SGCD: variants seen among roughly 807,000 people sequenced by gnomAD.
SGCD encodes sarcoglycan delta, also known as delta-sarcoglycan.
SGCD carries 18 observed loss-of-function variants against 36.6 expected under a neutral mutation model. The ratio of observed to expected loss-of-function variants is 0.49; its 90% CI spans 0.34 to 0.73. The LOEUF (loss-of-function observed/expected upper bound fraction) is 0.73, where lower values mean the gene tolerates loss of function less well. Ranked by LOEUF, SGCD falls within the 30% of genes least tolerant of loss-of-function variation. SGCD has a pLI of 0.01. For synonymous variants in SGCD, 133 were observed against 130.6 expected, an observed-to-expected ratio of 1.02 and a Z score of -0.12; for missense variants, 387 against 346.7, an observed-to-expected ratio of 1.12 and a Z score of -0.92.
At chr5:155,861,128 C>T in the SGCD span, among the ~76,000 whole-genome samples, 8 of 152,174 alleles carry the variant, frequency 5.3e-5, no homozygotes, top group South Asian at 2.1e-4. Flanking sequence ...ATTCCTACAA[C>T]GTGCCAAGCC....
At chr5:156,035,128 C>A (rs1429194254) in intron 1 of SGCD, among the ~76,000 whole-genome samples, 1 of 152,120 alleles carries the variant, frequency 6.6e-6, no homozygotes, top group Non-Finnish European at 1.5e-5. Flanking sequence ...GGAATTTAAT[C>A]CTAAGGTGTT....
intron 2 of SGCD, among the ~76,000 whole-genome samples, chr5:156,340,876 G>A (rs896991722): frequency 1.3e-5 from 2 of 152,152 alleles, no homozygotes; most frequent in African/African-American, 4.8e-5. Flanking sequence ...AAAAATGAAC[G>A]TACTCAGCAT....
chr5:156,144,671 C>G (rs918263460), intron 3 of SGCD, among the ~76,000 whole-genome samples: 27 of 152,198 alleles, frequency 1.8e-4, no homozygotes, highest in South Asian at 1.0e-3. Flanking sequence ...CAAAAATTTT[C>G]TCCCATTCTG....
intron 3 of SGCD, among the ~76,000 whole-genome samples, chr5:156,349,095 A>G (rs1051197937): frequency 6.6e-6 from 1 of 152,172 alleles, no homozygotes. Flanking sequence ...TGAAAAAGTT[A>G]ACTCAAGATG....
the SGCD span, among the ~76,000 whole-genome samples, chr5:155,782,062 G>A: frequency 8.2e-6 from 1 of 122,622 alleles, no homozygotes; most frequent in African/African-American, 3.0e-5. Flanking sequence ...ATCTTGCTCT[G>A]TTTCCCAGGC....
chr5:155,775,355 T>C, the SGCD span, among the ~76,000 whole-genome samples: 1 of 152,124 alleles, frequency 6.6e-6, no homozygotes, highest in South Asian at 2.1e-4. Flanking sequence ...ACCTGAAATA[T>C]GATTAGATGC....
the SGCD span, among the ~76,000 whole-genome samples, chr5:155,789,678 C>A: frequency 6.6e-6 from 1 of 152,138 alleles, no homozygotes; most frequent in East Asian, 1.9e-4. Context: ...GTGATTCTTG[C>A]ATTTACATAG....
the SGCD span, among the ~76,000 whole-genome samples, chr5:155,811,678 G>A: frequency 3.3e-5 from 5 of 152,282 alleles, no homozygotes; most frequent in East Asian, 9.6e-4. Flanking sequence ...CAGGTGGATC[G>A]GCAGGTTGAG....
rs187904800 is a variant in SGCD, at chr5:156,262,913, G to C, written c.-43-66621G>C. On this transcript the variant is annotated intron_variant, in intron 3 of 9. Transcript: ENST00000517913. The stretch of plus-strand genomic sequence containing the variant: ...AGTATTCCATGGTGTGTGTGTGTGT[G>C]TGTGTGTGTGTATACATATATATAT... Among the ~76,000 whole-genome samples the C allele has an allele frequency of 7.9e-5, 12 of 151,874 alleles. No homozygotes were observed. The East Asian group carries it at 2.3e-3, about 29-fold the overall frequency.
At chr5:156,421,105 G>A (rs1398266183) in intron 3 of SGCD, among the ~76,000 whole-genome samples, 1 of 151,818 alleles carries the variant, frequency 6.6e-6, no homozygotes, top group African/African-American at 2.4e-5. Context: ...ATTAAGAAAT[G>A]AAAACAACTC....
chr5:156,183,354 C>A (rs1187949192), intron 3 of SGCD, among the ~76,000 whole-genome samples: 6 of 152,062 alleles, frequency 3.9e-5, no homozygotes, highest in African/African-American at 1.4e-4. Flanking sequence ...CCCCACTTGG[C>A]CTAGTAATGA....
At chr5:156,010,920 T>C (rs1430981511) in intron 1 of SGCD, among the ~76,000 whole-genome samples, 1 of 152,226 alleles carries the variant, frequency 6.6e-6, no homozygotes, top group Non-Finnish European at 1.5e-5. Context: ...TTATGGCTTG[T>C]TTCATGTTTA....
rs34767809 is a variant in SGCD at position 156,757,263 on chromosome 5, CAAAAAAAA to C, written c.576-298_576-291del. ...TAGATCCGGGATTGACTTACTTTTA[CAAAAAAAA>C]AAAAAAAAAAAAAAAAAAAGCTTAT... On this transcript the variant is annotated intron_variant, in intron 7 of 8. Transcript: ENST00000337851. Among the ~76,000 whole-genome samples, 8 of 69,392 alleles carry C rather than the reference CAAAAAAAA, an allele frequency of 1.2e-4. No individual in the cohort carries two copies. In the South Asian group the frequency reaches 2.3e-3, roughly 20 times the overall value. 45.5% of individuals were successfully genotyped at this position (69,392 alleles called of 152,430 possible).
chr5:156,430,237 G>T (rs1773874927), intron 3 of SGCD, among the ~76,000 whole-genome samples: 1 of 151,832 alleles, frequency 6.6e-6, no homozygotes, highest in African/African-American at 2.4e-5. Flanking sequence ...TTATCTGATT[G>T]GTTTAGTTCA....
chr5:156,422,710 A>G (rs769826837), intron 3 of SGCD, among the ~76,000 whole-genome samples: 11 of 152,024 alleles, frequency 7.2e-5, no homozygotes, highest in Non-Finnish European at 1.2e-4. Flanking sequence ...TACATATCCC[A>G]TGCACAGTAG....
intron 2 of SGCD, among the ~76,000 whole-genome samples, chr5:156,343,112 CA>C (rs5872457): frequency 0.052 from 7,779 of 148,504 alleles, 387 homozygotes; most frequent in African/African-American, 0.12. Flanking sequence ...ATCTAAAAAC[CA>C]AAAAAAAAAA....
intron 4 of SGCD, among the ~76,000 whole-genome samples, chr5:156,542,834 T>G (rs1295872107): frequency 6.6e-6 from 1 of 152,160 alleles, no homozygotes; most frequent in East Asian, 1.9e-4. Context: ...GAATAAAGAA[T>G]TGTCTAGAGT....
intron 5 of SGCD, among the ~76,000 whole-genome samples, chr5:156,590,863 C>T (rs1037878405): frequency 7.3e-5 from 11 of 151,354 alleles, no homozygotes; most frequent in African/African-American, 2.7e-4. Flanking sequence ...TTATCCCTTT[C>T]CTTCCCCTTC....
chr5:156,513,824 C>T (rs1757041464), intron 4 of SGCD, among the ~76,000 whole-genome samples: 1 of 152,132 alleles, frequency 6.6e-6, no homozygotes, highest in South Asian at 2.1e-4. Context: ...TGAATGAAAG[C>T]CCCAGGACAT....
Sources: gnomAD v4.1 joint callset for allele counts (sites outside exome capture counted in the v4.1 genomes callset) on GRCh38, gnomAD v4.1.1 for gene constraint, MANE v1.5 for transcripts, NCBI Gene and HGNC (gene_info 2026-07-23, HGNC 2026-07-21) for gene names.